CFAP97: variants seen among roughly 807,000 people sequenced by gnomAD.
The protein encoded by CFAP97 is cilia and flagella associated protein 97.
CFAP97 carries 36 observed loss-of-function variants against 43.1 expected under a neutral mutation model. The observed-to-expected ratio is 0.84, with a 90% CI of 0.64 to 1.10. CFAP97 has a LOEUF of 1.10. CFAP97 is among the 50% of genes least tolerant of loss of function. The pLI, the probability that CFAP97 is intolerant of heterozygous loss-of-function variation, is 0.00. For missense variants in CFAP97, 657 were observed against 620.3 expected (o/e 1.06, Z -0.63); for synonymous variants, 228 against 225.7 (o/e 1.01, Z -0.09).
At chr4:185,204,225 G>A (rs1737082923), upstream of CFAP97, 1 of 152,278 alleles carries the variant, frequency 6.6e-6, no homozygotes, top group African/African-American at 2.4e-5. Flanking sequence ...TGGCGCCCTA[G>A]AGGCGTTACT....
rs1736226796 is a variant in CFAP97, at chr4:185,191,008, A to G, written c.189T>C (p.Tyr63=). Reference sequence around the variant, plus strand: ...TTCTTTCATTTCCCTTCTCAGTAAGATAATTTTCTGTTGTTTGCATTCCAG... The same window carrying G: ...TTCTTTCATTTCCCTTCTCAGTAAGGTAATTTTCTGTTGTTTGCATTCCAG... ...SNTGMQTTEN[Y]LTEKGNERNV... The change falls in exon 2 of 5, where the codon TAT becomes TAC. Residue 63 remains tyrosine (Y), a synonymous_variant. Transcript: ENST00000458385. 2.5e-6 allele frequency: 4 copies of G among 1,613,644 alleles called. No homozygotes were observed. The South Asian group carries it at 3.3e-5, about 13-fold the overall frequency.
intron 2 of CFAP97, among the ~76,000 whole-genome samples, chr4:185,186,556 C>T (rs1053554574): frequency 6.6e-6 from 1 of 152,166 alleles, no homozygotes; most frequent in Non-Finnish European, 1.5e-5. Context: ...ATTTTCTATA[C>T]ATCCTTTAGC....
chr4:185,167,998 C>CAAAAAA (rs1195340198), intron 3 of CFAP97, among the ~76,000 whole-genome samples: 3 of 54,710 alleles, frequency 5.5e-5, no homozygotes, highest in African/African-American at 1.1e-4. Flanking sequence ...GACTCCTTCT[C>CAAAAAA]AAAAAAAAAA....
intron 3 of CFAP97, among the ~76,000 whole-genome samples, chr4:185,165,857 G>C (rs903007673): frequency 1.3e-5 from 2 of 152,148 alleles, no homozygotes; most frequent in Non-Finnish European, 2.9e-5. Context: ...TCCATGCTGA[G>C]TTCCTGAGCA....
rs560791628 is a variant in CFAP97 at position 185,201,320 on chromosome 4, C to T, written c.-17+2578G>A. 6.0e-3 allele frequency among the ~76,000 whole-genome samples: 446 copies of T among 74,378 alleles called. 2 individuals carry two copies. Among genetic ancestry groups the T allele is most frequent in the Admixed American group, 0.02 (122 of 6,160 alleles). The allele number at this position is 74,378 out of a possible 152,430, so 48.8% of individuals were successfully genotyped here. A position where few individuals can be genotyped will look rare whatever the true frequency, so the allele number is the denominator to read the frequency against. On this transcript the variant is annotated intron_variant, in intron 1 of 4. Transcript: ENST00000458385. ...CAGCCCAGGCGACAGAGCAAGACTC[C>T]GCCTCAAAAAAAAAAAAAAAAAAGT...
At chr4:185,210,125 G>A (rs1488612613), upstream of CFAP97, 3 of 984,008 alleles carry the variant, frequency 3.0e-6, no homozygotes, top group South Asian at 9.4e-5. The surrounding 1 kb of genome is among the most constrained non-coding windows in gnomAD (Gnocchi z 4.4). Context: ...TACCTGAGCT[G>A]CGCGGCGGCC....
Position 185,162,944 on chromosome 4 carries a change from G to T in CFAP97, c.1472-19C>A, listed in dbSNP as rs1236227523. On this transcript the variant is annotated intron_variant, in intron 4 of 4. Coordinates refer to ENST00000458385, the MANE Select transcript of CFAP97 (RefSeq NM_020827.3). Reference sequence around the variant, plus strand: ...GAAGCTCCTGAAAATATAAAAAGAAGAAATATCTGAGAAACTTCTCCTCAC... The same window carrying T: ...GAAGCTCCTGAAAATATAAAAAGAATAAATATCTGAGAAACTTCTCCTCAC... 1 of 1,520,054 alleles carries T rather than the reference G, an allele frequency of 6.6e-7. No individual in the cohort carries two copies. The highest frequency in any genetic ancestry group is 1.4e-5 in the African/African-American group (1 of 71,004). 94.2% of individuals were successfully genotyped at this position (1,520,054 alleles called of 1,614,324 possible).
At chr4:185,170,138 A>T in intron 3 of CFAP97, 1 of 853,634 alleles carries the variant, frequency 1.2e-6, no homozygotes, top group Non-Finnish European at 1.6e-6. Flanking sequence ...ACTTGAGGTC[A>T]GGAGTTTGAG....
At chr4:185,177,059 G>A (rs1156634093) in intron 2 of CFAP97, among the ~76,000 whole-genome samples, 3 of 152,068 alleles carry the variant, frequency 2.0e-5, no homozygotes, top group Admixed American at 6.6e-5. Flanking sequence ...CTAAACATTT[G>A]TAGAAAACAT....
At chr4:185,195,688 C>T (rs114199983) in intron 1 of CFAP97, among the ~76,000 whole-genome samples, 23 of 152,176 alleles carry the variant, frequency 1.5e-4, no homozygotes, top group African/African-American at 4.1e-4. Flanking sequence ...TATAAAAACT[C>T]GGATAGAGGC....
intron 2 of CFAP97, among the ~76,000 whole-genome samples, chr4:185,187,789 G>T (rs1391099388): frequency 6.6e-6 from 1 of 151,562 alleles, no homozygotes; most frequent in Non-Finnish European, 1.5e-5. Context: ...GCAGAGCCTA[G>T]GCATCAGTAT....
chr4:185,186,539 A>G (rs1736012246), intron 2 of CFAP97, among the ~76,000 whole-genome samples: 1 of 152,214 alleles, frequency 6.6e-6, no homozygotes, highest in Non-Finnish European at 1.5e-5. Flanking sequence ...CATTTTGCAT[A>G]TGGCATATTT....
intron 3 of CFAP97, among the ~76,000 whole-genome samples, chr4:185,171,865 C>A (rs1735319232): frequency 6.6e-6 from 1 of 152,002 alleles, no homozygotes; most frequent in Non-Finnish European, 1.5e-5. Flanking sequence ...GCTTCCTGAG[C>A]AGCTGGGATT....
At chr4:185,192,733 CTTTTTT>C (rs760026667) in intron 1 of CFAP97, among the ~76,000 whole-genome samples, 66 of 81,414 alleles carry the variant, frequency 8.1e-4, no homozygotes, top group Middle Eastern at 8.9e-3. Context: ...AATTGACCTT[CTTTTTT>C]TTTTTTTTTT....
rs1560850634 is a variant in CFAP97, at chr4:185,161,369, T to C, written c.*1429A>G. The stretch of plus-strand genomic sequence containing the variant: ...TGTAAAATGCAGTAACACCTTACTG[T>C]TAAAGGTGCTAAGGAAAAAAGCATT... On this transcript the variant is annotated 3_prime_UTR_variant, in exon 5 of 5. Coordinates refer to ENST00000458385, the MANE Select transcript of CFAP97 (RefSeq NM_020827.3). 1 of 152,164 alleles carries C rather than the reference T, an allele frequency of 6.6e-6. No individual in the cohort carries two copies. Among genetic ancestry groups the C allele is most frequent in the Non-Finnish European group, 1.5e-5 (1 of 68,022 alleles). The allele number at this position is 152,164 out of a possible 1,614,324, so 9.4% of individuals were successfully genotyped here.
intron 3 of CFAP97, among the ~76,000 whole-genome samples, chr4:185,175,128 ATACTT>A (rs1347574754): frequency 2.6e-5 from 4 of 152,218 alleles, no homozygotes; most frequent in African/African-American, 7.2e-5. Context: ...TAGTGACTGA[ATACTT>A]CACAGAAGAA....
At chr4:185,172,437 T>A (rs1346838162) in intron 3 of CFAP97, among the ~76,000 whole-genome samples, 3 of 152,208 alleles carry the variant, frequency 2.0e-5, no homozygotes, top group African/African-American at 7.2e-5. Context: ...CAACACTACT[T>A]CTTTGTCTGG....
chr4:185,193,906 A>AAATAAATAAATAAATC (rs1736422404), intron 1 of CFAP97, among the ~76,000 whole-genome samples: 1 of 151,916 alleles, frequency 6.6e-6, no homozygotes. Context: ...ATAAATAAAT[A>AAATAAATAAATAAATC]AATAAGGGAA....
intron 1 of CFAP97, among the ~76,000 whole-genome samples, chr4:185,195,015 T>C (rs538968435): frequency 1.3e-5 from 2 of 152,202 alleles, no homozygotes; most frequent in African/African-American, 4.8e-5. Context: ...ATCCTGGGCA[T>C]GTACACAGGA....
Sources: allele counts gnomAD v4.1 joint callset (sites outside exome capture counted in the v4.1 genomes callset), GRCh38; gene constraint gnomAD v4.1.1; non-coding constraint Gnocchi (gnomAD v3.1); transcripts MANE v1.5; gene names NCBI Gene and HGNC (gene_info 2026-07-23, HGNC 2026-07-21).